The following PAX7 variants were observed in gnomAD, a reference collection of about 807,000 sequenced individuals.
PAX7 encodes the protein paired box protein Pax-7.
PAX7 carries 18 observed loss-of-function variants against 50.7 expected under a neutral mutation model. The ratio of observed to expected loss-of-function variants is 0.36; its 90% CI spans 0.25 to 0.53. The LOEUF is 0.53. Among genes scored for constraint, PAX7 ranks in the 20% least tolerant of loss-of-function variants. The pLI is 0.93. For missense variants in PAX7, 644 were observed against 702.9 expected (o/e 0.92, Z 0.95); for synonymous variants, 310 against 290.4 (o/e 1.07, Z -0.69).
At chr1:18,648,340 C>CTTTTT (rs531869233) in intron 4 of PAX7, among the ~76,000 whole-genome samples, 2 of 119,744 alleles carry the variant, frequency 1.7e-5, no homozygotes, top group African/African-American at 6.5e-5. Context: ...TTATTTTTGT[C>CTTTTT]TTTTTTTTTT....
chr1:18,735,660 C>A lies in PAX7; in HGVS notation c.1184C>A (p.Ala395Glu). The A allele has an allele frequency of 6.2e-7, 1 of 1,613,664 alleles. No individual in the cohort carries two copies. The highest frequency in any genetic ancestry group is 8.5e-7 in the Non-Finnish European group (1 of 1,179,760). The change falls in exon 8 of 9, where the codon GCG becomes GAG. Residue 395 changes from alanine to glutamate, a missense_variant. Physicochemically the swap from Ala to Glu is moderately radical, Grantham distance 107 (BLOSUM62 -1). Coordinates refer to ENST00000420770, the MANE Select transcript of PAX7 (RefSeq NM_001135254.2). The surrounding 1 kb of genome is among the most constrained non-coding windows in gnomAD (Gnocchi z 4.0). Reference sequence around the variant, plus strand: ...ATGAGCATCTTGGGCAACCCCAGTGCGGTGCCCCCGCAGCCACAGGCTGAC... The same window carrying A: ...ATGAGCATCTTGGGCAACCCCAGTGAGGTGCCCCCGCAGCCACAGGCTGAC... Reference protein sequence around the residue: ...QVMSILGNPSAVPPQPQADFS... With the variant: ...QVMSILGNPSEVPPQPQADFS...
At chr1:18,684,664 G>T (rs953998504) in intron 4 of PAX7, among the ~76,000 whole-genome samples, 1 of 152,206 alleles carries the variant, frequency 6.6e-6, no homozygotes, top group South Asian at 2.1e-4. Context: ...ATTCAGAGAC[G>T]CCTGGCCCAC....
intron 4 of PAX7, among the ~76,000 whole-genome samples, chr1:18,689,432 C>T (rs554692241): frequency 6.6e-6 from 1 of 151,838 alleles, no homozygotes; most frequent in Admixed American, 6.5e-5. Flanking sequence ...AGGGCAGAGC[C>T]CTGGCAGGAA....
rs951571841 is a variant in PAX7 at position 18,700,955 on chromosome 1, G to A, written c.952+137G>A. ...AGCAGGCTATTGAGAGCAAAAAGATGCAATCCTGCCCTTGAAATTCTTGGC... is the reference window on the plus strand; with the variant it reads ...AGCAGGCTATTGAGAGCAAAAAGATACAATCCTGCCCTTGAAATTCTTGGC... On this transcript the variant is annotated intron_variant, in intron 6 of 8. Transcript: ENST00000420770. The surrounding 1 kb of genome is among the most constrained non-coding windows in gnomAD (Gnocchi z 4.8). 1 of 878,994 alleles carries A rather than the reference G, an allele frequency of 1.1e-6. No homozygotes were observed. The allele number at this position is 878,994 out of a possible 1,614,324, so 54.4% of individuals were successfully genotyped here.
chr1:18,720,418 C>T (rs939327281), intron 7 of PAX7, among the ~76,000 whole-genome samples: 3 of 152,114 alleles, frequency 2.0e-5, no homozygotes, highest in African/African-American at 7.2e-5. Context: ...GGGTATGGGC[C>T]TGGCACCCTG....
intron 7 of PAX7, among the ~76,000 whole-genome samples, chr1:18,703,725 G>A (rs772003014): frequency 6.6e-6 from 1 of 152,190 alleles, no homozygotes; most frequent in Admixed American, 6.5e-5. Flanking sequence ...TGATAATGCC[G>A]GAAGTCCCAA....
intron 7 of PAX7, among the ~76,000 whole-genome samples, chr1:18,721,852 A>C (rs1283597908): frequency 6.6e-6 from 1 of 152,278 alleles, no homozygotes; most frequent in Non-Finnish European, 1.5e-5. Context: ...AAAGAGAGTC[A>C]TAACTAGGGA....
chr1:18,711,189 A>G (rs1174831474), intron 7 of PAX7, among the ~76,000 whole-genome samples: 6 of 152,154 alleles, frequency 3.9e-5, no homozygotes, highest in Admixed American at 3.3e-4. Context: ...TGGTTCTGCC[A>G]TTTACTAAAT....
At chr1:18,722,570 C>T (rs1383396143) in intron 7 of PAX7, among the ~76,000 whole-genome samples, 1 of 152,112 alleles carries the variant, frequency 6.6e-6, no homozygotes, top group East Asian at 1.9e-4. Context: ...GGGGCTGCTC[C>T]GGAGAAGATA....
At chr1:18,742,148 C>CTTT (rs61248648) in intron 8 of PAX7, among the ~76,000 whole-genome samples, 29 of 103,552 alleles carry the variant, frequency 2.8e-4, no homozygotes, top group African/African-American at 4.4e-4. Flanking sequence ...AATGAGGCTT[C>CTTT]TTTTTTTTTT....
chr1:18,654,532 C>T (rs1271929785), intron 4 of PAX7, among the ~76,000 whole-genome samples: 1 of 152,214 alleles, frequency 6.6e-6, no homozygotes, highest in Non-Finnish European at 1.5e-5. Flanking sequence ...TCCACTCACC[C>T]ACTTCTTCCC....
chr1:18,690,106 A>C (rs1319113521), intron 4 of PAX7, among the ~76,000 whole-genome samples: 1 of 152,174 alleles, frequency 6.6e-6, no homozygotes, highest in Non-Finnish European at 1.5e-5. Context: ...GAATGCTCCA[A>C]GCCCAGGGCT....
At chr1:18,658,597 C>A (rs2088557265) in intron 4 of PAX7, among the ~76,000 whole-genome samples, 1 of 152,334 alleles carries the variant, frequency 6.6e-6, no homozygotes, top group South Asian at 2.1e-4. Context: ...CTTGGGGGCT[C>A]ACCCTGATTT....
chr1:18,745,514 C>T lies in PAX7; in HGVS notation c.*585C>T, dbSNP rs1212457951. ...GGGAGTCAGCAGGGGGGCAGTCTCA[C>T]CCCCACCCAGGAATTTGAAGGACTT... is the stretch of plus-strand genomic sequence containing the variant. On this transcript the variant is annotated 3_prime_UTR_variant, in exon 9 of 9. Coordinates refer to ENST00000420770, the MANE Select transcript of PAX7 (RefSeq NM_001135254.2). 1.3e-5 allele frequency: 3 copies of T among 231,712 alleles called. No individual in the cohort carries two copies. The East Asian group carries it at 1.8e-4, about 14-fold the overall frequency. The allele number at this position is 231,712 out of a possible 1,614,324, so 14.4% of individuals were successfully genotyped here. A position where few individuals can be genotyped will look rare whatever the true frequency, so the allele number is the denominator to read the frequency against.
chr1:18,652,856 G>A (rs1323998186), intron 4 of PAX7, among the ~76,000 whole-genome samples: 1 of 152,170 alleles, frequency 6.6e-6, no homozygotes, highest in African/African-American at 2.4e-5. Context: ...GCCAGAAACT[G>A]AGCCAGGTGC....
intron 5 of PAX7, among the ~76,000 whole-genome samples, chr1:18,692,397 C>G (rs1448203054): frequency 2.0e-5 from 3 of 152,168 alleles, no homozygotes; most frequent in Non-Finnish European, 2.9e-5. Flanking sequence ...CAAAAATTAG[C>G]TGGGCTTGGT....
chr1:18,705,988 C>A (rs914664604), intron 7 of PAX7, among the ~76,000 whole-genome samples: 2 of 152,126 alleles, frequency 1.3e-5, no homozygotes, highest in Non-Finnish European at 2.9e-5. Context: ...GGCAGCAGGG[C>A]AGGCCGTGTG....
intron 5 of PAX7, among the ~76,000 whole-genome samples, chr1:18,698,365 G>A (rs929364559): frequency 1.3e-5 from 2 of 151,562 alleles, no homozygotes; most frequent in East Asian, 1.9e-4. Flanking sequence ...ACCTGCAAAC[G>A]CCTCCTCTCC....
Position 18,636,406 on chromosome 1 carries a change from CG to C in PAX7, c.586+38del. 6.2e-7 allele frequency: 1 copy of C among 1,604,038 alleles called. No homozygotes were observed. The highest frequency in any genetic ancestry group is 8.5e-7 in the Non-Finnish European group (1 of 1,173,596). ...TTCCCTGGGCTGCGAGGCCCCAGCC[CG>C]GGTTTTCCCACGCTCCGGTGTGCGG... On this transcript the variant is annotated intron_variant, in intron 4 of 8. Transcript: ENST00000420770. This position sits in a 1 kb window ranked among gnomAD's most constrained non-coding sequence, Gnocchi z 5.1.
Sources: allele counts gnomAD v4.1 joint callset (sites outside exome capture counted in the v4.1 genomes callset), GRCh38; gene constraint gnomAD v4.1.1; non-coding constraint Gnocchi (gnomAD v3.1); transcripts MANE v1.5; gene names NCBI Gene and HGNC (gene_info 2026-07-23, HGNC 2026-07-21).